Variants in PTPRD observed in about 807,000 individuals in gnomAD.
The protein encoded by PTPRD is receptor-type tyrosine-protein phosphatase delta.
In PTPRD, 34 loss-of-function variants were observed where a neutral mutation model predicts 214.5. The observed-to-expected ratio is 0.16, with a 90% CI of 0.12 to 0.21. The LOEUF (loss-of-function observed/expected upper bound fraction) is 0.21, where lower values mean the gene tolerates loss of function less well. Among genes scored for constraint, PTPRD ranks in the 10% least tolerant of loss-of-function variants. The pLI is 1.00. For synonymous variants in PTPRD, 1,128 were observed against 845.7 expected (o/e 1.33, Z -5.79); for missense variants, 2,545 against 2,398.7 (o/e 1.06, Z -1.27).
At chr9:8,626,167 G>C (rs1306480165) in intron 14 of PTPRD, among the ~76,000 whole-genome samples, 1 of 151,752 alleles carries the variant, frequency 6.6e-6, no homozygotes. Flanking sequence ...CCAGGATACT[G>C]AATTTTTAAA....
chr9:10,356,337 G>A (rs1038069290), intron 2 of PTPRD, among the ~76,000 whole-genome samples: 1 of 151,970 alleles, frequency 6.6e-6, no homozygotes, highest in Admixed American at 6.6e-5. Flanking sequence ...TACCATGAAG[G>A]GATACATAAG....
chr9:9,000,885 A>T (rs1176079922), intron 11 of PTPRD, among the ~76,000 whole-genome samples: 1 of 152,010 alleles, frequency 6.6e-6, no homozygotes, highest in Non-Finnish European at 1.5e-5. Flanking sequence ...GATTTTGGCC[A>T]GAGTATACTC....
intron 2 of PTPRD, among the ~76,000 whole-genome samples, chr9:10,376,618 G>A (rs1310546915): frequency 6.6e-6 from 1 of 151,670 alleles, no homozygotes; most frequent in East Asian, 2.0e-4. Context: ...AGGGTATCAT[G>A]ATCTAAACGA....
At chr9:8,901,619 C>T (rs1293436646) in intron 11 of PTPRD, among the ~76,000 whole-genome samples, 1 of 152,170 alleles carries the variant, frequency 6.6e-6, no homozygotes. Flanking sequence ...GAACGTAGGT[C>T]TCCTGATTGC....
intron 7 of PTPRD, among the ~76,000 whole-genome samples, chr9:9,639,486 C>G (rs2095869583): frequency 6.6e-6 from 1 of 152,142 alleles, no homozygotes; most frequent in Admixed American, 6.5e-5. Flanking sequence ...TTCCTATTAG[C>G]AGGCTATGTT....
intron 8 of PTPRD, among the ~76,000 whole-genome samples, chr9:9,517,244 A>G (rs911211696): frequency 6.6e-6 from 1 of 152,144 alleles, no homozygotes; most frequent in Non-Finnish European, 1.5e-5. Context: ...AACTCACTGC[A>G]TAGTTAGAAA....
intron 9 of PTPRD, among the ~76,000 whole-genome samples, chr9:9,388,145 A>C (rs1438985247): frequency 6.6e-6 from 1 of 152,120 alleles, no homozygotes; most frequent in African/African-American, 2.4e-5. Context: ...TTTCCCCATG[A>C]CCAGCCGCTT....
chr9:9,804,987 G>C (rs938914673), intron 5 of PTPRD, among the ~76,000 whole-genome samples: 3 of 152,124 alleles, frequency 2.0e-5, no homozygotes, highest in Non-Finnish European at 1.5e-5. Flanking sequence ...CCTTACATTT[G>C]TAAAATATTG....
chr9:10,060,311 G>C (rs2097735192), intron 3 of PTPRD, among the ~76,000 whole-genome samples: 1 of 151,962 alleles, frequency 6.6e-6, no homozygotes, highest in African/African-American at 2.4e-5. Context: ...AAAGAATGGG[G>C]AGAAAGAAAA....
intron 3 of PTPRD, among the ~76,000 whole-genome samples, chr9:10,268,546 ACT>A (rs2094231691): frequency 6.6e-6 from 1 of 151,798 alleles, no homozygotes; most frequent in African/African-American, 2.4e-5. Context: ...TCCTTCTGAC[ACT>A]CTTCCTTTCC....
chr9:8,767,314 A>G (rs1024619227), intron 11 of PTPRD, among the ~76,000 whole-genome samples: 13 of 151,966 alleles, frequency 8.6e-5, no homozygotes, highest in African/African-American at 3.1e-4. Flanking sequence ...GATGGGGTTC[A>G]CCATGTTGGC....
In PTPRD at chr9:8,500,820, T is replaced by C. The variant is rs2136956938; in HGVS notation, c.2062A>G (p.Thr688Ala). 1 of 1,614,170 alleles carries C rather than the reference T, an allele frequency of 6.2e-7. No individual in the cohort carries two copies. The change falls in exon 24 of 46, where the codon ACA becomes GCA. Residue 688 changes from threonine (T) to alanine (A), a missense_variant. Thr to Ala is a moderately conservative substitution (Grantham distance 58). Coordinates refer to ENST00000381196, the MANE Select transcript of PTPRD (RefSeq NM_002839.4). ...EKWTEYRITV[T>A]AHTDVGPGPE... is the part of the protein sequence containing the mutation. ...CCAGGGCCGACATCTGTATGGGCTGTCACAGTGATCCGGTATTCAGTCCAT... is the reference window on the plus strand; with the variant it reads ...CCAGGGCCGACATCTGTATGGGCTGCCACAGTGATCCGGTATTCAGTCCAT...
At chr9:8,631,281 GA>G (rs2096243744) in intron 14 of PTPRD, among the ~76,000 whole-genome samples, 1 of 151,428 alleles carries the variant, frequency 6.6e-6, no homozygotes, top group Non-Finnish European at 1.5e-5. Flanking sequence ...TTGCCTATTA[GA>G]CCATTCCTTC....
intron 3 of PTPRD, among the ~76,000 whole-genome samples, chr9:10,224,707 C>A (rs895098374): frequency 2.0e-5 from 3 of 151,998 alleles, no homozygotes; most frequent in African/African-American, 7.2e-5. Context: ...CTGACACACA[C>A]ATTTTCTTCC....
At chr9:8,525,213 G>T in intron 17 of PTPRD, 178 bp from the exon 18 acceptor site, 1 of 722,084 alleles carries the variant, frequency 1.4e-6, no homozygotes, top group Non-Finnish European at 2.5e-6. Context: ...AACATATAGA[G>T]ATTATTTTTT....
chr9:9,098,790 T>C (rs2099787284), intron 10 of PTPRD, among the ~76,000 whole-genome samples: 1 of 152,206 alleles, frequency 6.6e-6, no homozygotes. Context: ...ATCATTTGTA[T>C]GTAATACAAG....
At chr9:9,581,262 G>A (rs1418729463) in intron 7 of PTPRD, among the ~76,000 whole-genome samples, 2 of 152,002 alleles carry the variant, frequency 1.3e-5, no homozygotes, top group Non-Finnish European at 2.9e-5. Flanking sequence ...TATCAGACAT[G>A]TCAAATTCTA....
intron 4 of PTPRD, among the ~76,000 whole-genome samples, chr9:9,991,698 G>T (rs114622196): frequency 5.9e-5 from 9 of 152,100 alleles, no homozygotes; most frequent in African/African-American, 2.2e-4. Context: ...GCACAGTCAA[G>T]TCATAGAGAA....
intron 2 of PTPRD, among the ~76,000 whole-genome samples, chr9:10,449,782 C>T (rs537928131): frequency 1.7e-4 from 26 of 150,836 alleles, no homozygotes; most frequent in Admixed American, 1.3e-3. Context: ...ATGACGATGG[C>T]GGTTTTGTCG....
Sources: allele counts gnomAD v4.1 joint callset (sites outside exome capture counted in the v4.1 genomes callset), GRCh38; gene constraint gnomAD v4.1.1; transcripts MANE v1.5; gene names NCBI Gene and HGNC (gene_info 2026-07-23, HGNC 2026-07-21).